The following SNX27 variants were observed in gnomAD, a reference collection of about 807,000 sequenced individuals.
The protein encoded by SNX27 is sorting nexin-27.
Under a neutral mutation model 71.6 loss-of-function variants are expected in SNX27, and 22 were observed. That is an observed-to-expected ratio of 0.31 (90% CI 0.22 to 0.44). SNX27 has a LOEUF of 0.44. Among genes scored for constraint, SNX27 ranks in the 20% least tolerant of loss-of-function variants. The probability of loss-of-function intolerance (pLI) is 1.00; values close to 1 mark genes in which losing one functional copy is unlikely to be tolerated. For missense variants in SNX27, 531 were observed against 698.6 expected (o/e 0.76, Z 2.70); for synonymous variants, 269 against 277.2 (o/e 0.97, Z 0.29).
intron 7 of SNX27, chr1:151,680,229 G>A (rs1337190794): frequency 6.6e-6 from 1 of 150,922 alleles, no homozygotes; most frequent in Non-Finnish European, 1.5e-5. Flanking sequence ...TGGGCTCACG[G>A]AGATGTAACC....
In SNX27 at chr1:151,652,183, AAG is replaced by A. The variant is rs1217645946; in HGVS notation, c.544-6047_544-6046del. On this transcript the variant is annotated intron_variant, in intron 2 of 11. Transcript: ENST00000458013. ...CTCCGCATGAGAGGGAGACCGTGGAAAGAGAGGGAGAGGGAGACCGTGGGGAG... is the reference window on the plus strand; with the variant it reads ...CTCCGCATGAGAGGGAGACCGTGGAAAGAGGGAGAGGGAGACCGTGGGGAG... 1.1e-4 allele frequency among the ~76,000 whole-genome samples: 12 copies of A among 107,818 alleles called. 1 individual carries two copies. The East Asian group carries it at 3.5e-3, about 31-fold the overall frequency. 70.7% of individuals were successfully genotyped at this position (107,818 alleles called of 152,430 possible).
chr1:151,628,339 A>C (rs576133949), intron 1 of SNX27, among the ~76,000 whole-genome samples: 1 of 152,240 alleles, frequency 6.6e-6, no homozygotes, highest in Non-Finnish European at 1.5e-5. Flanking sequence ...TTCTTCTTTT[A>C]GAGGCATAAT....
At chr1:151,657,730 AATAAG>A (rs1669760999) in intron 2 of SNX27, among the ~76,000 whole-genome samples, 1 of 152,162 alleles carries the variant, frequency 6.6e-6, no homozygotes, top group African/African-American at 2.4e-5. Flanking sequence ...TAATAGCAAA[AATAAG>A]ATCACACTCC....
chr1:151,643,748 C>A (rs1668896457), intron 2 of SNX27, among the ~76,000 whole-genome samples: 1 of 152,030 alleles, frequency 6.6e-6, no homozygotes, highest in Admixed American at 6.6e-5. Context: ...GCAACGTCTG[C>A]CTCCTGGGTT....
intron 7 of SNX27, chr1:151,669,167 A>G (rs1221940817): frequency 1.3e-5 from 2 of 152,292 alleles, no homozygotes; most frequent in South Asian, 2.1e-4. Context: ...TTCATTTCCC[A>G]CTATTGAAGA....
At chr1:151,621,244 A>G (rs1667661641) in intron 1 of SNX27, among the ~76,000 whole-genome samples, 1 of 152,206 alleles carries the variant, frequency 6.6e-6, no homozygotes, top group Non-Finnish European at 1.5e-5. Context: ...GTCAAATGCT[A>G]GGTAGTATGT....
chr1:151,639,952 T>TG lies in SNX27; in HGVS notation c.543+833_543+834insG, dbSNP rs200487975. 2.1e-3 allele frequency among the ~76,000 whole-genome samples: 318 copies of TG among 152,216 alleles called. 2 individuals carry two copies. Among genetic ancestry groups the TG allele is most frequent in the African/African-American group, 7.2e-3 (299 of 41,536 alleles). ...TAGATGCTGGCAAACAGACTACAGG[T>TG]TTTAAAGCTTAACAGTTGACTAAAG... On this transcript the variant is annotated intron_variant, in intron 2 of 11. Transcript: ENST00000458013.
chr1:151,651,975 G>A (rs61818473), intron 2 of SNX27, among the ~76,000 whole-genome samples: 116 of 152,282 alleles, frequency 7.6e-4, no homozygotes, highest in Non-Finnish European at 1.4e-3. Context: ...CGAGGCTGGC[G>A]GATCACTTGC....
Position 151,684,299 on chromosome 1 carries a change from C to G in SNX27, c.1239+854C>G, listed in dbSNP as rs575730985. The stretch of plus-strand genomic sequence containing the variant: ...TTTAAATTAAATGCAATTTAAAATT[C>G]AGTTCTCTAGCTGCTCTAGCCACAT... On this transcript the variant is annotated intron_variant, in intron 8 of 11. Transcript: ENST00000458013. Among the ~76,000 whole-genome samples the G allele has an allele frequency of 8.5e-5, 13 of 152,232 alleles. No individual in the cohort carries two copies. In the South Asian group the frequency reaches 2.7e-3, roughly 32 times the overall value.
rs989971810 is a variant in SNX27, at chr1:151,694,796, A to T, written c.*379A>T. On this transcript the variant is annotated 3_prime_UTR_variant, in exon 12 of 12. Coordinates refer to ENST00000458013, the MANE Select transcript of SNX27 (RefSeq NM_001330723.2). ...ACTGTTCAGACATATATATGTATGT[A>T]TGTAAAAATTATATATACACAAATT... 1 of 163,624 alleles carries T rather than the reference A, an allele frequency of 6.1e-6. No homozygotes were observed. Among genetic ancestry groups the T allele is most frequent in the East Asian group, 1.7e-4 (1 of 5,928 alleles). The allele number at this position is 163,624 out of a possible 1,614,324, so 10.1% of individuals were successfully genotyped here. A position where few individuals can be genotyped will look rare whatever the true frequency, so the allele number is the denominator to read the frequency against.
intron 1 of SNX27, among the ~76,000 whole-genome samples, chr1:151,621,447 T>G (rs917205752): frequency 6.6e-6 from 1 of 152,238 alleles, no homozygotes; most frequent in Admixed American, 6.5e-5. Flanking sequence ...CTGTTTTTGC[T>G]TAAGCTGTCT....
chr1:151,623,511 C>G (rs1341696306), intron 1 of SNX27, among the ~76,000 whole-genome samples: 1 of 152,146 alleles, frequency 6.6e-6, no homozygotes, highest in African/African-American at 2.4e-5. Flanking sequence ...ATCTGCCTGC[C>G]TTGGCCGCCC....
At position 151,694,563 on chromosome 1, in the gene SNX27, A is replaced by C; in HGVS notation, c.*146A>C. On this transcript the variant is annotated 3_prime_UTR_variant, in exon 12 of 12. Transcript: ENST00000458013. Reference sequence around the variant, plus strand: ...AGCCCTAAACTAAATATTATTAATAACCCCCTCTGAATTTCATGTCTCTGG... The same window carrying C: ...AGCCCTAAACTAAATATTATTAATACCCCCCTCTGAATTTCATGTCTCTGG... 1 of 734,764 alleles carries C rather than the reference A, an allele frequency of 1.4e-6. No homozygotes were observed. Among genetic ancestry groups the C allele is most frequent in the Non-Finnish European group, 2.1e-6 (1 of 487,510 alleles). 45.5% of individuals were successfully genotyped at this position (734,764 alleles called of 1,614,324 possible).
intron 8 of SNX27, among the ~76,000 whole-genome samples, 197 bp downstream of exon 8, chr1:151,683,642 T>C (rs1173884843): frequency 6.7e-6 from 1 of 150,006 alleles, no homozygotes; most frequent in African/African-American, 2.5e-5. Flanking sequence ...TACTGTGTAT[T>C]AGTACATAAT....
At chr1:151,627,056 G>A (rs964141279) in intron 1 of SNX27, among the ~76,000 whole-genome samples, 4 of 152,130 alleles carry the variant, frequency 2.6e-5, no homozygotes, top group Admixed American at 2.6e-4. Context: ...CATTTCGGCT[G>A]ACAGCAAAGA....
chr1:151,689,389 C>A (rs1161322729), intron 8 of SNX27, among the ~76,000 whole-genome samples: 1 of 152,160 alleles, frequency 6.6e-6, no homozygotes, highest in Admixed American at 6.5e-5. Flanking sequence ...TTCCAGATGG[C>A]AGAAGAGAAG....
rs978347926 is a variant in SNX27 at position 151,690,041 on chromosome 1, G to A, written c.1240-2394G>A. Among the ~76,000 whole-genome samples, 5 of 152,240 alleles carry A rather than the reference G, an allele frequency of 3.3e-5. No individual in the cohort carries two copies. The East Asian group carries it at 7.7e-4, about 23-fold the overall frequency. ...TTTTTGTATTTTTAGTAAAAATGGG[G>A]TTTCACCATGTTGGCCAGGCTGGTC... is the stretch of plus-strand genomic sequence containing the variant. On this transcript the variant is annotated intron_variant, in intron 8 of 11. Coordinates refer to ENST00000458013, the MANE Select transcript of SNX27 (RefSeq NM_001330723.2).
Position 151,698,063 on chromosome 1 carries a change from G to A in SNX27, c.*3646G>A, listed in dbSNP as rs1671861602. 1 of 152,188 alleles carries A rather than the reference G, an allele frequency of 6.6e-6. No individual in the cohort carries two copies. Among genetic ancestry groups the A allele is most frequent in the African/African-American group, 2.4e-5 (1 of 41,394 alleles). The allele number at this position is 152,188 out of a possible 1,614,324, so 9.4% of individuals were successfully genotyped here. ...CGTCCTTACCCTAGGCCTAAACACA[G>A]GTACAGATATGTGCATGCTCAGGGC... On this transcript the variant is annotated 3_prime_UTR_variant, in exon 12 of 12. Coordinates refer to ENST00000458013, the MANE Select transcript of SNX27 (RefSeq NM_001330723.2).
intron 1 of SNX27, among the ~76,000 whole-genome samples, chr1:151,626,456 A>G (rs1667946808): frequency 6.6e-6 from 1 of 152,150 alleles, no homozygotes; most frequent in African/African-American, 2.4e-5. Flanking sequence ...ATGGTTTTAA[A>G]AATCAGGAAG....
Sources: allele counts gnomAD v4.1 joint callset (sites outside exome capture counted in the v4.1 genomes callset), GRCh38; gene constraint gnomAD v4.1.1; transcripts MANE v1.5; gene names NCBI Gene and HGNC (gene_info 2026-07-23, HGNC 2026-07-21).